Variants in PCNX1 observed in about 807,000 individuals in gnomAD.
The protein encoded by PCNX1 is pecanex-like protein 1.
PCNX1 carries 78 observed loss-of-function variants against 242.2 expected under a neutral mutation model. The ratio of observed to expected loss-of-function variants is 0.32; its 90% CI spans 0.27 to 0.39. The LOEUF is 0.39. PCNX1 is among the 10% of genes least tolerant of loss of function. The pLI, the probability that PCNX1 is intolerant of heterozygous loss-of-function variation, is 1.00. For missense variants in PCNX1, 2,581 were observed against 2,856.5 expected (o/e 0.90, Z 2.20); for synonymous variants, 1,024 against 1,032.9 (o/e 0.99, Z 0.17).
At chr14:70,936,635 G>T (rs1387583009) in intron 1 of PCNX1, among the ~76,000 whole-genome samples, 1 of 152,182 alleles carries the variant, frequency 6.6e-6, no homozygotes, top group Non-Finnish European at 1.5e-5. Context: ...ATGATCATTT[G>T]GCTAAGTACC....
At chr14:70,922,228 A>G (rs2056407291) in intron 1 of PCNX1, among the ~76,000 whole-genome samples, 1 of 152,124 alleles carries the variant, frequency 6.6e-6, no homozygotes, top group African/African-American at 2.4e-5. Context: ...TCCTTTGTTA[A>G]GTTTTTGTCA....
chr14:70,982,686 T>C (rs1277508942), intron 6 of PCNX1, among the ~76,000 whole-genome samples: 1 of 152,228 alleles, frequency 6.6e-6, no homozygotes, highest in African/African-American at 2.4e-5. Flanking sequence ...AAGTGGTGTT[T>C]ATTGGTGAAG....
At chr14:70,968,828 AT>A in intron 4 of PCNX1, among the ~76,000 whole-genome samples, 192 bp from the exon 5 acceptor site, 1 of 152,318 alleles carries the variant, frequency 6.6e-6, no homozygotes, top group East Asian at 1.9e-4. Flanking sequence ...TGTGAGAATA[AT>A]TAAGTGCTCT....
intron 14 of PCNX1, 113 bp downstream of exon 14, chr14:71,026,401 GTTA>G (rs377490453): frequency 2.2e-4 from 140 of 625,436 alleles, no homozygotes; most frequent in East Asian, 6.1e-4. Flanking sequence ...TTATTTTACT[GTTA>G]TTATGTGCTC....
intron 20 of PCNX1, among the ~76,000 whole-genome samples, chr14:71,046,316 T>C (rs2141113039): frequency 1.3e-5 from 2 of 151,180 alleles, no homozygotes; most frequent in East Asian, 3.9e-4. Flanking sequence ...AAATAAATTA[T>C]TGATCTTATT....
At chr14:70,993,573 T>C (rs906155520) in intron 7 of PCNX1, among the ~76,000 whole-genome samples, 2 of 152,222 alleles carry the variant, frequency 1.3e-5, no homozygotes, top group Non-Finnish European at 2.9e-5. Flanking sequence ...AAAAACCTTT[T>C]TGTATATTGG....
chr14:71,103,705 AT>A (rs750379678), intron 32 of PCNX1, 36 bp downstream of exon 32: 130 of 1,599,320 alleles, frequency 8.1e-5, no homozygotes, highest in Non-Finnish European at 1.1e-4. Context: ...GTGCTGGTGT[AT>A]TCCTGACCCT....
Position 71,108,686 on chromosome 14 carries a change from C to T in PCNX1, c.6384C>T (p.Ser2128=). The T allele has an allele frequency of 3.1e-6, 5 of 1,614,230 alleles. No individual in the cohort carries two copies. The highest frequency in any genetic ancestry group is 4.2e-6 in the Non-Finnish European group (5 of 1,180,018). The change falls in exon 34 of 36, where the codon TCC becomes TCT. Residue 2128 remains serine (S), a synonymous_variant. Coordinates refer to ENST00000304743, the MANE Select transcript of PCNX1 (RefSeq NM_014982.3). ...GGGCCTCAGTAGCCAGCCAGTCTTC[C>T]TACTGCTATAGCAGCCGGCATTCAT... is the stretch of plus-strand genomic sequence containing the variant. The part of the protein sequence containing the change: ...PARASVASQS[S]YCYSSRHSSL...
chr14:71,050,612 T>TG (rs1230150214), intron 22 of PCNX1, 40 bp from the exon 23 acceptor site: 3 of 1,368,148 alleles, frequency 2.2e-6, no homozygotes. Flanking sequence ...TCTGATAAGT[T>TG]TTTTTTTTTT....
chr14:71,034,098 A>G (rs1321083895), intron 18 of PCNX1, 62 bp downstream of exon 18: 4 of 851,966 alleles, frequency 4.7e-6, no homozygotes, highest in Non-Finnish European at 1.9e-6. Context: ...ATCATGTTAT[A>G]TGAGGAACAC....
At chr14:70,940,653 C>T (rs1392427124) in intron 1 of PCNX1, among the ~76,000 whole-genome samples, 1 of 152,052 alleles carries the variant, frequency 6.6e-6, no homozygotes, top group Non-Finnish European at 1.5e-5. Context: ...CTCTGTATTT[C>T]CTGAATTTGA....
At chr14:71,087,759 G>C (rs1337524012) in intron 28 of PCNX1, among the ~76,000 whole-genome samples, 1 of 152,048 alleles carries the variant, frequency 6.6e-6, no homozygotes, top group Non-Finnish European at 1.5e-5. Context: ...ATTATTATTT[G>C]GGCTTTCTTA....
At chr14:71,075,317 C>T (rs1018942986) in intron 27 of PCNX1, among the ~76,000 whole-genome samples, 1 of 151,978 alleles carries the variant, frequency 6.6e-6, no homozygotes, top group Non-Finnish European at 1.5e-5. Context: ...TGTGTTGTTA[C>T]CTCTCCTCAC....
At chr14:70,953,820 C>T (rs2057887726) in intron 2 of PCNX1, among the ~76,000 whole-genome samples, 1 of 151,922 alleles carries the variant, frequency 6.6e-6, no homozygotes, top group Admixed American at 6.6e-5. Flanking sequence ...AGGCATGTGC[C>T]ACCACACCTG....
At chr14:71,063,690 C>T (rs906695944) in intron 26 of PCNX1, among the ~76,000 whole-genome samples, 6 of 152,146 alleles carry the variant, frequency 3.9e-5, no homozygotes, top group Admixed American at 6.6e-5. Flanking sequence ...AGCATTTTAT[C>T]TACTTTCCAA....
chr14:71,097,112 C>G (rs1008163547), intron 30 of PCNX1, among the ~76,000 whole-genome samples: 1 of 152,078 alleles, frequency 6.6e-6, no homozygotes, highest in African/African-American at 2.4e-5. Context: ...TGGCCTCTAT[C>G]CACAGCCATA....
chr14:71,008,679 A>G, intron 8 of PCNX1, among the ~76,000 whole-genome samples: 1 of 151,256 alleles, frequency 6.6e-6, no homozygotes, highest in Admixed American at 6.6e-5. Flanking sequence ...AAAAAAAAAA[A>G]AAAGGGATTC....
At chr14:71,087,003 T>A (rs1394322463) in intron 28 of PCNX1, among the ~76,000 whole-genome samples, 3 of 151,970 alleles carry the variant, frequency 2.0e-5, no homozygotes, top group Non-Finnish European at 4.4e-5. Flanking sequence ...AAAAAAAAAT[T>A]TCTCATCACA....
rs779849168 is a variant in PCNX1, at chr14:70,947,047, A to G, written c.286A>G (p.Asn96Asp). The change falls in exon 2 of 36, where the codon AAT becomes GAT. Residue 96 changes from asparagine to aspartate, a missense_variant. Around this residue, in one of 9 missense-constraint regions of PCNX1, gnomAD observed 1,204 missense variants for 1,216.7 expected, o/e 0.99. Coordinates refer to ENST00000304743, the MANE Select transcript of PCNX1 (RefSeq NM_014982.3). ...TGGAGAAGTTGTAGATAGGACTGCA[A>G]ATGAGTTCACGGATCAGCGAACCAA... is the stretch of plus-strand genomic sequence containing the variant. ...DAGEVVDRTANEFTDQRTKAE... is the reference protein window; with the variant it reads ...DAGEVVDRTADEFTDQRTKAE... 46 of 1,613,874 alleles carry G rather than the reference A, an allele frequency of 2.9e-5. No homozygotes were observed. Among genetic ancestry groups the G allele is most frequent in the Admixed American group, 3.3e-5 (2 of 59,948 alleles).
Sources: gnomAD v4.1 joint callset for allele counts (sites outside exome capture counted in the v4.1 genomes callset) on GRCh38, gnomAD v4.1.1 for gene constraint, gnomAD v4.1.1 regional missense constraint, MANE v1.5 for transcripts, NCBI Gene and HGNC (gene_info 2026-07-23, HGNC 2026-07-21) for gene names.